Variants in RERE observed in about 807,000 individuals in gnomAD.
The protein encoded by RERE is arginine-glutamic acid dipeptide repeats protein.
RERE carries 40 observed loss-of-function variants against 146.1 expected under a neutral mutation model. The observed-to-expected ratio is 0.27, with a 90% CI of 0.21 to 0.36. The LOEUF is 0.36. RERE is among the 10% of genes least tolerant of loss of function. The pLI, the probability that RERE is intolerant of heterozygous loss-of-function variation, is 1.00. For synonymous variants in RERE, 1,003 were observed against 866.0 expected (o/e 1.16, Z -2.78); for missense variants, 1,933 against 2,138.7 (o/e 0.90, Z 1.90).
chr1:8,361,469 G>A lies in RERE; in HGVS notation c.2038C>T (p.Pro680Ser). Residue 680 changes from proline (P) to serine (S), a missense_variant, in exon 18 of 23, where the codon CCA becomes TCA. Transcript: ENST00000400908. ...KTQEISRPNSPSEGEGESSDS... is the reference protein window; with the variant it reads ...KTQEISRPNSSSEGEGESSDS... Reference sequence around the variant, plus strand: ...GAACTCTCTCCCTCACCTTCAGATGGCGAGTTGGGCCTGCTGATCTCCTGG... The same window carrying A: ...GAACTCTCTCCCTCACCTTCAGATGACGAGTTGGGCCTGCTGATCTCCTGG... 1 of 1,612,212 alleles carries A rather than the reference G, an allele frequency of 6.2e-7. No homozygotes were observed. The highest frequency in any genetic ancestry group is 1.1e-5 in the South Asian group (1 of 91,080).
chr1:8,457,383 T>G (rs1553168909), intron 11 of RERE, among the ~76,000 whole-genome samples: 1 of 152,178 alleles, frequency 6.6e-6, no homozygotes, highest in Non-Finnish European at 1.5e-5. Context: ...AGAATTCACC[T>G]ATATAAAGGT....
At chr1:8,513,286 T>G (rs1488793445) in intron 7 of RERE, among the ~76,000 whole-genome samples, 1 of 152,216 alleles carries the variant, frequency 6.6e-6, no homozygotes, top group African/African-American at 2.4e-5. Context: ...AAAAAGTAAT[T>G]GCATTTAAGC....
At chr1:8,443,166 G>C (rs1365712623) in intron 11 of RERE, among the ~76,000 whole-genome samples, 1 of 152,216 alleles carries the variant, frequency 6.6e-6, no homozygotes, top group African/African-American at 2.4e-5. Flanking sequence ...ATGTGGCAAA[G>C]AAAGAAAAGC....
intron 10 of RERE, among the ~76,000 whole-genome samples, chr1:8,484,084 A>G (rs1644868258): frequency 6.6e-6 from 1 of 152,248 alleles, no homozygotes. Flanking sequence ...AGTAAAAATA[A>G]GTTGGCAAGA....
intron 12 of RERE, among the ~76,000 whole-genome samples, chr1:8,376,918 C>A (rs187653148): frequency 3.4e-4 from 52 of 152,272 alleles, no homozygotes; most frequent in Admixed American, 2.7e-3. Flanking sequence ...CTTGTTGCTA[C>A]CCACTGCAAG....
In RERE at chr1:8,634,717, A is replaced by C. The variant is rs144935761; in HGVS notation, c.326-10337T>G. ...GTTTGGGCAGGTCTTACTTCTTCTA[A>C]TTGAAGTCAAAGAATAAAGATTTAC... On this transcript the variant is annotated intron_variant, in intron 2 of 22. Transcript: ENST00000400908. Among the ~76,000 whole-genome samples, 821 of 152,166 alleles carry C rather than the reference A, an allele frequency of 5.4e-3. 7 individuals are homozygous for C. Among genetic ancestry groups the C allele is most frequent in the African/African-American group, 0.019 (789 of 41,502 alleles).
chr1:8,757,973 T>C (rs150507831), intron 1 of RERE, among the ~76,000 whole-genome samples: 2 of 152,238 alleles, frequency 1.3e-5, no homozygotes, highest in African/African-American at 2.4e-5. Flanking sequence ...AAAATTCTGT[T>C]ACTTGCAACA....
At chr1:8,602,019 G>A (rs1255773719) in intron 4 of RERE, among the ~76,000 whole-genome samples, 1 of 152,206 alleles carries the variant, frequency 6.6e-6, no homozygotes, top group East Asian at 1.9e-4. Flanking sequence ...TTTACCTGTT[G>A]TAAAAGCACA....
At chr1:8,640,615 G>C (rs755713180) in intron 2 of RERE, among the ~76,000 whole-genome samples, 1 of 152,106 alleles carries the variant, frequency 6.6e-6, no homozygotes, top group Non-Finnish European at 1.5e-5. Flanking sequence ...TAATTAGCTT[G>C]AGTACATTTT....
intron 12 of RERE, among the ~76,000 whole-genome samples, chr1:8,379,339 G>C (rs1173671290): frequency 6.6e-6 from 1 of 152,134 alleles, no homozygotes; most frequent in Non-Finnish European, 1.5e-5. Flanking sequence ...GGAAAGGAGG[G>C]TCATGCAGCC....
At chr1:8,362,208 C>T (rs1641606811) in intron 16 of RERE, among the ~76,000 whole-genome samples, 2 of 152,226 alleles carry the variant, frequency 1.3e-5, no homozygotes, top group South Asian at 4.1e-4. Context: ...AGTGGAACCA[C>T]TGTTTAAACT....
intron 10 of RERE, among the ~76,000 whole-genome samples, chr1:8,487,403 A>AC (rs1210131302): frequency 4.6e-5 from 7 of 152,028 alleles, no homozygotes; most frequent in African/African-American, 1.7e-4. Flanking sequence ...ACATAGTGAG[A>AC]CCCCGTCACT....
At chr1:8,550,649 C>T (rs376126794) in intron 6 of RERE, among the ~76,000 whole-genome samples, 3 of 152,192 alleles carry the variant, frequency 2.0e-5, no homozygotes, top group East Asian at 1.9e-4. Flanking sequence ...CAGGTTAAAG[C>T]GATTCTCCTG....
At chr1:8,593,897 C>T (rs544127979) in intron 4 of RERE, among the ~76,000 whole-genome samples, 2 of 152,212 alleles carry the variant, frequency 1.3e-5, no homozygotes, top group East Asian at 1.9e-4. Context: ...AACCATGCAC[C>T]GGGGCAGACA....
At chr1:8,795,518 T>C (rs1293843077) in intron 1 of RERE, among the ~76,000 whole-genome samples, 2 of 152,186 alleles carry the variant, frequency 1.3e-5, no homozygotes, top group Non-Finnish European at 2.9e-5. Context: ...GTTTATGTAC[T>C]ACTGTCCCTA....
intron 17 of RERE, 135 bp from the exon 18 acceptor site, chr1:8,361,625 CCT>C: frequency 7.3e-7 from 1 of 1,365,114 alleles, no homozygotes; most frequent in Non-Finnish European, 1.0e-6. Flanking sequence ...CAGGTCGTGC[CCT>C]GACCCAGCCA....
intron 11 of RERE, among the ~76,000 whole-genome samples, chr1:8,427,978 G>C (rs1305267092): frequency 6.6e-6 from 1 of 152,148 alleles, no homozygotes; most frequent in African/African-American, 2.4e-5. Context: ...GGCCCTATAA[G>C]CCTCTAAATG....
chr1:8,692,926 TGAG>T lies in RERE; in HGVS notation c.-144-36488_-144-36486del, dbSNP rs1287931501. ...TGCTTTCCGCTTACAAGACAGAGTA[TGAG>T]GCACATGTAATGCATAAGATTTATG... On this transcript the variant is annotated intron_variant, in intron 1 of 22. Transcript: ENST00000400908. Among the ~76,000 whole-genome samples the T allele has an allele frequency of 2.6e-5, 4 of 152,192 alleles. No individual in the cohort carries two copies. In the East Asian group the frequency reaches 7.7e-4, roughly 29 times the overall value.
intron 11 of RERE, among the ~76,000 whole-genome samples, chr1:8,441,926 G>A (rs1189628033): frequency 3.4e-5 from 4 of 119,046 alleles, no homozygotes; most frequent in Non-Finnish European, 6.3e-5. Context: ...CCATATGCCC[G>A]ATTTCAATAC....
Sources: allele counts gnomAD v4.1 joint callset (sites outside exome capture counted in the v4.1 genomes callset), GRCh38; gene constraint gnomAD v4.1.1; transcripts MANE v1.5; gene names NCBI Gene and HGNC (gene_info 2026-07-23, HGNC 2026-07-21).